STK32B: variants seen among roughly 807,000 people sequenced by gnomAD.
STK32B encodes the protein serine/threonine-protein kinase 32B.
STK32B carries 43 observed loss-of-function variants against 52.6 expected under a neutral mutation model. The observed-to-expected ratio is 0.82, with a 90% CI of 0.64 to 1.05. The LOEUF (loss-of-function observed/expected upper bound fraction) is 1.05. STK32B is among the 50% of genes least tolerant of loss of function. The probability of loss-of-function intolerance (pLI) is 0.00; values close to 1 mark genes in which losing one functional copy is unlikely to be tolerated. For missense variants in STK32B, 621 were observed against 534.6 expected (o/e 1.16, Z -1.59); for synonymous variants, 238 against 204.3 (o/e 1.17, Z -1.41).
intron 3 of STK32B, among the ~76,000 whole-genome samples, chr4:5,180,910 G>T (rs779332374): frequency 6.6e-6 from 1 of 151,520 alleles, no homozygotes; most frequent in African/African-American, 2.4e-5. Context: ...ATTTTCACTT[G>T]TTGTATTGCA....
chr4:5,236,597 A>T (rs1724654910), intron 3 of STK32B, among the ~76,000 whole-genome samples: 1 of 152,200 alleles, frequency 6.6e-6, no homozygotes, highest in Non-Finnish European at 1.5e-5. Context: ...GACGTATATA[A>T]AGTACACACA....
intron 3 of STK32B, chr4:5,204,156 A>G (rs1468271791): frequency 6.6e-6 from 1 of 152,168 alleles, no homozygotes; most frequent in Non-Finnish European, 1.5e-5. Flanking sequence ...GAACTCAACT[A>G]AGAAAGCTGC....
chr4:5,053,030 G>A (rs533281624), intron 1 of STK32B, among the ~76,000 whole-genome samples: 10 of 152,280 alleles, frequency 6.6e-5, no homozygotes, highest in African/African-American at 2.4e-4. Context: ...CATTACCCAG[G>A]GCACTGGCTG....
At chr4:5,129,283 G>C (rs1198317027) in intron 1 of STK32B, among the ~76,000 whole-genome samples, 1 of 152,112 alleles carries the variant, frequency 6.6e-6, no homozygotes, top group African/African-American at 2.4e-5. Context: ...CCTGCTCACT[G>C]AATAACTCTT....
In STK32B at chr4:5,167,472, C is replaced by G. The variant is rs57350236; in HGVS notation, c.109-827C>G. On this transcript the variant is annotated intron_variant, in intron 2 of 11. Coordinates refer to ENST00000282908, the MANE Select transcript of STK32B (RefSeq NM_018401.3). ...AGCTTCTCCTGTGCTCCCCCAGAAC[C>G]CATGTGCCTGAGTTTGGGTTTCCCC... Among the ~76,000 whole-genome samples the G allele has an allele frequency of 3.3e-3, 500 of 152,206 alleles. 5 individuals are homozygous for G. Among genetic ancestry groups the G allele is most frequent in the African/African-American group, 0.011 (445 of 41,442 alleles).
intron 3 of STK32B, among the ~76,000 whole-genome samples, chr4:5,180,042 A>AG (rs1325392805): frequency 6.6e-6 from 1 of 152,192 alleles, no homozygotes; most frequent in Non-Finnish European, 1.5e-5. Context: ...CAATGAGGGA[A>AG]GGGGCTCTCC....
At chr4:5,160,920 G>A (rs1718391595) in intron 2 of STK32B, among the ~76,000 whole-genome samples, 1 of 152,188 alleles carries the variant, frequency 6.6e-6, no homozygotes, top group Non-Finnish European at 1.5e-5. Context: ...CCTGAAGGAG[G>A]CAAGGGCCCA....
chr4:5,209,022 C>T (rs780142074), intron 3 of STK32B, among the ~76,000 whole-genome samples: 8 of 152,226 alleles, frequency 5.3e-5, no homozygotes, highest in Non-Finnish European at 8.8e-5. Context: ...TGGGCACATG[C>T]CCCTCTCATG....
Position 5,499,057 on chromosome 4 carries a change from A to T in STK32B, c.1219A>T (p.Thr407Ser), listed in dbSNP as rs1254143379. Reference protein sequence around the residue: ...DGCNNNLLTHTCTRGCSS With the variant: ...DGCNNNLLTHSCTRGCSS ...GTGCAACAACAACCTCCTCACCCACACCTGCACCCGTGGCTGCAGCAGCTG... is the reference window on the plus strand; with the variant it reads ...GTGCAACAACAACCTCCTCACCCACTCCTGCACCCGTGGCTGCAGCAGCTG... Residue 407 changes from threonine to serine, a missense_variant, in exon 12 of 12, where the codon ACC becomes TCC. By Grantham distance (58) the Thr-to-Ser change is moderately conservative. Transcript: ENST00000282908. The T allele has an allele frequency of 6.2e-7, 1 of 1,612,342 alleles. No homozygotes were observed. Among genetic ancestry groups the T allele is most frequent in the Non-Finnish European group, 8.5e-7 (1 of 1,179,130 alleles).
chr4:5,285,844 C>A (rs1016118338), intron 3 of STK32B, among the ~76,000 whole-genome samples: 1 of 152,144 alleles, frequency 6.6e-6, no homozygotes. Flanking sequence ...GAATTGTGTT[C>A]TTCCCAAAAT....
intron 1 of STK32B, among the ~76,000 whole-genome samples, chr4:5,133,789 A>G (rs1715908630): frequency 6.6e-6 from 1 of 152,164 alleles, no homozygotes; most frequent in African/African-American, 2.4e-5. Context: ...GCCACTCTTC[A>G]GTGGCTTCTG....
At chr4:5,314,342 A>AT (rs1456298795) in intron 3 of STK32B, among the ~76,000 whole-genome samples, 4 of 152,188 alleles carry the variant, frequency 2.6e-5, no homozygotes, top group Non-Finnish European at 5.9e-5. Context: ...AAGCAGAAGA[A>AT]TGAACCATCA....
chr4:5,459,979 C>T, intron 8 of STK32B, 124 bp from the exon 9 acceptor site: 1 of 1,416,624 alleles, frequency 7.1e-7, no homozygotes, highest in South Asian at 1.2e-5. Flanking sequence ...CCAGACGGGG[C>T]ACAACATCAA....
At chr4:5,367,778 C>T (rs1425792575) in intron 4 of STK32B, among the ~76,000 whole-genome samples, 1 of 152,182 alleles carries the variant, frequency 6.6e-6, no homozygotes, top group Non-Finnish European at 1.5e-5. Flanking sequence ...TGTCTTTTCT[C>T]TGCTGGACAG....
At position 5,139,954 on chromosome 4, in the gene STK32B, T is replaced by C. The variant is rs1365093631; in HGVS notation, c.102T>C (p.Phe34=). The C allele has an allele frequency of 7.4e-6, 12 of 1,614,070 alleles. No individual in the cohort carries two copies. The East Asian group carries it at 2.2e-4, about 30-fold the overall frequency. The change falls in exon 2 of 12, where the codon TTT becomes TTC. Residue 34 remains phenylalanine (F), a synonymous_variant. Transcript: ENST00000282908. ...TGCGGGCCATTGGTAAAGGGAGTTT[T>C]GGAAAGGTAAGAATATAAATGTCTG... ...QILRAIGKGS[F]GKVCIVQKRD...
intron 6 of STK32B, among the ~76,000 whole-genome samples, chr4:5,441,667 G>A (rs1055150337): frequency 1.3e-5 from 2 of 151,966 alleles, no homozygotes; most frequent in African/African-American, 4.8e-5. Context: ...GTTTGCTCTT[G>A]CTTCTGTAGT....
chr4:5,392,359 G>C (rs1211077121), intron 4 of STK32B, among the ~76,000 whole-genome samples: 1 of 152,176 alleles, frequency 6.6e-6, no homozygotes, highest in African/African-American at 2.4e-5. Flanking sequence ...TCAGGAGGCG[G>C]AGGTTGTAAT....
intron 3 of STK32B, among the ~76,000 whole-genome samples, chr4:5,263,717 C>A (rs771627429): frequency 6.6e-6 from 1 of 152,146 alleles, no homozygotes; most frequent in Non-Finnish European, 1.5e-5. Flanking sequence ...TTCAATTGAT[C>A]AGTTTTGAGA....
intron 7 of STK32B, among the ~76,000 whole-genome samples, chr4:5,449,738 C>T (rs912712474): frequency 8.5e-5 from 13 of 152,248 alleles, no homozygotes; most frequent in Admixed American, 6.5e-4. Context: ...TCAGCAGTAG[C>T]ATTAGACTCT....
Sources: gnomAD v4.1 joint callset for allele counts (sites outside exome capture counted in the v4.1 genomes callset) on GRCh38, gnomAD v4.1.1 for gene constraint, MANE v1.5 for transcripts, NCBI Gene and HGNC (gene_info 2026-07-23, HGNC 2026-07-21) for gene names.